CHL1: variants seen among roughly 807,000 people sequenced by gnomAD.
CHL1 encodes the protein cell adhesion molecule L1 like.
A neutral mutation model predicts 141.9 loss-of-function variants in CHL1; 96 were observed. The ratio of observed to expected loss-of-function variants is 0.68; its 90% CI spans 0.57 to 0.80. The LOEUF (loss-of-function observed/expected upper bound fraction) is 0.80. CHL1 is among the 30% of genes least tolerant of loss of function. CHL1 has a pLI of 0.00. For missense variants in CHL1, 1,820 were observed against 1,457.2 expected (o/e 1.25, Z -4.05); for synonymous variants, 613 against 502.2 (o/e 1.22, Z -2.95).
chr3:359,364 C>A (rs1345198555), intron 11 of CHL1, among the ~76,000 whole-genome samples: 1 of 151,746 alleles, frequency 6.6e-6, no homozygotes, highest in African/African-American at 2.4e-5. Context: ...AGTGCAGTGG[C>A]GAGATCTTGG....
intron 6 of CHL1, 126 bp downstream of exon 6, chr3:341,042 G>C: frequency 2.1e-6 from 2 of 950,294 alleles, no homozygotes; most frequent in East Asian, 2.7e-5. Context: ...ATTTGAAGAG[G>C]AGATGCTACT....
At chr3:323,420 G>C (rs1470219851) in intron 3 of CHL1, among the ~76,000 whole-genome samples, 2 of 151,980 alleles carry the variant, frequency 1.3e-5, no homozygotes, top group African/African-American at 2.4e-5. Context: ...CAGTGAGCGG[G>C]TATTTTTTCC....
intron 16 of CHL1, among the ~76,000 whole-genome samples, chr3:379,859 A>G (rs937270677): frequency 6.6e-6 from 1 of 152,152 alleles, no homozygotes; most frequent in African/African-American, 2.4e-5. Flanking sequence ...TCGACAATTG[A>G]CAATAAAAAA....
chr3:342,183 C>T, intron 7 of CHL1, 101 bp downstream of exon 7: 1 of 1,062,372 alleles, frequency 9.4e-7, no homozygotes, highest in Non-Finnish European at 1.4e-6. Flanking sequence ...TGATATTTTG[C>T]ACCATTGTGC....
At chr3:398,932 A>G in intron 25 of CHL1, 85 bp from the exon 26 acceptor site, 1 of 1,322,562 alleles carries the variant, frequency 7.6e-7, no homozygotes, top group Non-Finnish European at 1.1e-6. Flanking sequence ...GTATGTTTAA[A>G]AATGATGTCT....
chr3:243,963 C>A (rs1692913017), intron 1 of CHL1, among the ~76,000 whole-genome samples: 1 of 152,170 alleles, frequency 6.6e-6, no homozygotes, highest in African/African-American at 2.4e-5. Flanking sequence ...CAAGCTTAAG[C>A]AATCTTTCTG....
At chr3:373,483 A>T in intron 15 of CHL1, 1 of 152,638 alleles carries the variant, frequency 6.6e-6, no homozygotes, top group Non-Finnish European at 1.5e-5. Flanking sequence ...CCAGCAGGGG[A>T]GAAAGCACAG....
intron 1 of CHL1, among the ~76,000 whole-genome samples, chr3:242,695 C>G (rs78839316): frequency 0.46 from 66,736 of 145,418 alleles, 16,455 homozygotes; most frequent in Non-Finnish European, 0.57. Flanking sequence ...CACACACACA[C>G]ACAGAGAGAG....
At chr3:365,525 G>C (rs527634629) in intron 14 of CHL1, among the ~76,000 whole-genome samples, 32 of 152,194 alleles carry the variant, frequency 2.1e-4, no homozygotes, top group African/African-American at 7.2e-4. Context: ...CCATTCATGG[G>C]CTTAAACATT....
At position 346,746 on chromosome 3, in the gene CHL1, CAGA is replaced by C. The variant is rs1237267556; in HGVS notation, c.848+2041_848+2043del. Among the ~76,000 whole-genome samples, 12 of 152,232 alleles carry C rather than the reference CAGA, an allele frequency of 7.9e-5. No individual in the cohort carries two copies. In the East Asian group the frequency reaches 2.1e-3, roughly 27 times the overall value. ...ATCCTGTCTGATCTGGGTCGTCTCT[CAGA>C]AGATGATACATTTTTAAAAAGTTTT... On this transcript the variant is annotated intron_variant, in intron 9 of 27. Coordinates refer to ENST00000256509, the MANE Select transcript of CHL1 (RefSeq NM_006614.4).
intron 2 of CHL1, among the ~76,000 whole-genome samples, chr3:274,569 A>G (rs1695920459): frequency 6.6e-6 from 1 of 152,186 alleles, no homozygotes; most frequent in African/African-American, 2.4e-5. Context: ...ACAGTCTGGC[A>G]CAGTTACTGT....
intron 3 of CHL1, among the ~76,000 whole-genome samples, chr3:321,519 A>T (rs1400154463): frequency 1.3e-5 from 2 of 152,110 alleles, no homozygotes; most frequent in African/African-American, 4.8e-5. Flanking sequence ...ATAATTTCAC[A>T]TTGTCTTCCG....
chr3:301,957 T>TCAA (rs1698782565), intron 2 of CHL1, among the ~76,000 whole-genome samples: 3 of 152,166 alleles, frequency 2.0e-5, no homozygotes, highest in African/African-American at 7.2e-5. Flanking sequence ...ATCCATGTGT[T>TCAA]CTCCTTGTTC....
At chr3:230,522 T>G (rs1256522896) in intron 1 of CHL1, among the ~76,000 whole-genome samples, 1 of 151,090 alleles carries the variant, frequency 6.6e-6, no homozygotes, top group Non-Finnish European at 1.5e-5. Context: ...TTTGACAGAG[T>G]GATTGGGTTA....
intron 15 of CHL1, among the ~76,000 whole-genome samples, chr3:372,886 G>A (rs1285662803): frequency 6.6e-6 from 1 of 151,814 alleles, no homozygotes; most frequent in African/African-American, 2.4e-5. Flanking sequence ...AGTTTGCTGG[G>A]GGTCCACTTC....
At chr3:226,536 A>C (rs1701370721) in intron 1 of CHL1, among the ~76,000 whole-genome samples, 1 of 151,254 alleles carries the variant, frequency 6.6e-6, no homozygotes, top group African/African-American at 2.4e-5. Flanking sequence ...CGCAACCTCC[A>C]ACTCCCGGAT....
intron 2 of CHL1, among the ~76,000 whole-genome samples, chr3:264,748 A>C (rs1695016821): frequency 6.6e-6 from 1 of 152,216 alleles, no homozygotes; most frequent in Non-Finnish European, 1.5e-5. Context: ...TTGTAGGAGA[A>C]ATGTGTCATT....
At chr3:291,088 C>CT (rs1453236503) in intron 2 of CHL1, among the ~76,000 whole-genome samples, 1 of 151,834 alleles carries the variant, frequency 6.6e-6, no homozygotes, top group Non-Finnish European at 1.5e-5. Context: ...TAATATAGGA[C>CT]TTTTTTGCTG....
intron 2 of CHL1, among the ~76,000 whole-genome samples, chr3:264,116 C>G (rs997140411): frequency 6.6e-6 from 1 of 152,144 alleles, no homozygotes; most frequent in Non-Finnish European, 1.5e-5. Context: ...GTAAGGATAA[C>G]CAATTAGTAG....
Sources: gnomAD v4.1 joint callset for allele counts (sites outside exome capture counted in the v4.1 genomes callset) on GRCh38, gnomAD v4.1.1 for gene constraint, MANE v1.5 for transcripts, NCBI Gene and HGNC (gene_info 2026-07-23, HGNC 2026-07-21) for gene names.